Variants in RELCH observed in about 807,000 individuals in gnomAD.
RELCH encodes the protein RAB11-binding protein RELCH.
In RELCH, 41 loss-of-function variants were observed where a neutral mutation model predicts 150.3. The ratio of observed to expected loss-of-function variants is 0.27; its 90% CI spans 0.21 to 0.35. The LOEUF is 0.35. Ranked by LOEUF, RELCH falls within the 10% of genes least tolerant of loss-of-function variation. The pLI, the probability that RELCH is intolerant of heterozygous loss-of-function variation, is 1.00. For synonymous variants in RELCH, 478 were observed against 531.8 expected (o/e 0.90, Z 1.39); for missense variants, 1,092 against 1,467.8 (o/e 0.74, Z 4.18).
rs542705453 is a variant in RELCH at position 62,245,767 on chromosome 18, T to C, written c.1733+891T>C. On this transcript the variant is annotated intron_variant, in intron 11 of 28. Coordinates refer to ENST00000644646, the MANE Select transcript of RELCH (RefSeq NM_001346231.2). Reference sequence around the variant, plus strand: ...TAAATGTTCTCTGAAAATTGCAAGATAGTTACTTTTGTCTGAAAAAAATCT... The same window carrying C: ...TAAATGTTCTCTGAAAATTGCAAGACAGTTACTTTTGTCTGAAAAAAATCT... 3.3e-5 allele frequency: 5 copies of C among 152,330 alleles called. No homozygotes were observed. The South Asian group carries it at 1.0e-3, about 32-fold the overall frequency. The allele number at this position is 152,330 out of a possible 1,614,324, so 9.4% of individuals were successfully genotyped here.
chr18:62,250,521 C>T (rs1414182928), intron 11 of RELCH, among the ~76,000 whole-genome samples: 1 of 152,132 alleles, frequency 6.6e-6, no homozygotes, highest in Non-Finnish European at 1.5e-5. Context: ...CTTTCATTCA[C>T]TTTATTTGCC....
intron 1 of RELCH, among the ~76,000 whole-genome samples, chr18:62,191,007 A>G (rs143697582): frequency 2.7e-4 from 41 of 152,320 alleles, no homozygotes; most frequent in Admixed American, 2.2e-3. Context: ...TGCCTTCAGC[A>G]TGTTTTTAAA....
At chr18:62,293,974 G>A (rs1042820873) in intron 27 of RELCH, among the ~76,000 whole-genome samples, 5 of 151,954 alleles carry the variant, frequency 3.3e-5, no homozygotes, top group Admixed American at 6.6e-5. Flanking sequence ...GGAATCTCCT[G>A]TATGTATTCT....
chr18:62,196,699 C>A (rs982348229), intron 1 of RELCH, among the ~76,000 whole-genome samples: 1 of 152,118 alleles, frequency 6.6e-6, no homozygotes, highest in Non-Finnish European at 1.5e-5. Flanking sequence ...TAGATATAAT[C>A]CCTGCTTAGC....
intron 2 of RELCH, among the ~76,000 whole-genome samples, chr18:62,215,067 T>C (rs1001292964): frequency 6.6e-6 from 1 of 152,162 alleles, no homozygotes; most frequent in Non-Finnish European, 1.5e-5. Context: ...TTTCAATCTT[T>C]ACATGGACAG....
rs115518364 is a variant in RELCH at position 62,294,589 on chromosome 18, T to C, written c.3459+2958T>C. Among the ~76,000 whole-genome samples, 525 of 152,324 alleles carry C rather than the reference T, an allele frequency of 3.4e-3. 3 individuals are homozygous for C. Among genetic ancestry groups the C allele is most frequent in the African/African-American group, 0.012 (498 of 41,580 alleles). On this transcript the variant is annotated intron_variant, in intron 27 of 28. Coordinates refer to ENST00000644646, the MANE Select transcript of RELCH (RefSeq NM_001346231.2). ...ATATCTGGAATATACCAATACTTAGTCAATTTTATGTTTTATGAATATCTG... is the reference window on the plus strand; with the variant it reads ...ATATCTGGAATATACCAATACTTAGCCAATTTTATGTTTTATGAATATCTG...
At chr18:62,231,995 G>C (rs993008755) in intron 9 of RELCH, among the ~76,000 whole-genome samples, 3 of 151,992 alleles carry the variant, frequency 2.0e-5, no homozygotes, top group Non-Finnish European at 4.4e-5. Flanking sequence ...TCTCTTCAAA[G>C]ACAAAAACGA....
intron 1 of RELCH, among the ~76,000 whole-genome samples, chr18:62,206,436 A>G (rs993376719): frequency 2.0e-5 from 3 of 152,254 alleles, no homozygotes; most frequent in Non-Finnish European, 4.4e-5. Context: ...ACATAGCCCT[A>G]TTTGAAGAGT....
intron 1 of RELCH, among the ~76,000 whole-genome samples, chr18:62,189,694 G>A (rs1228418986): frequency 6.6e-6 from 1 of 152,078 alleles, no homozygotes; most frequent in East Asian, 1.9e-4. Flanking sequence ...GGCTATCATA[G>A]CATTGTTTCT....
intron 12 of RELCH, among the ~76,000 whole-genome samples, chr18:62,254,301 G>A (rs1454027973): frequency 6.6e-6 from 1 of 152,018 alleles, no homozygotes; most frequent in African/African-American, 2.4e-5. Flanking sequence ...TTTCCGAGTA[G>A]TGTACGTTTT....
chr18:62,276,759 C>G (rs879447389), intron 22 of RELCH, among the ~76,000 whole-genome samples: 6 of 151,968 alleles, frequency 3.9e-5, no homozygotes, highest in Non-Finnish European at 7.4e-5. Context: ...GAAAATTCTC[C>G]ATCCATGTTA....
chr18:62,233,958 T>A (rs1437560223), intron 10 of RELCH, among the ~76,000 whole-genome samples: 1 of 152,004 alleles, frequency 6.6e-6, no homozygotes, highest in Non-Finnish European at 1.5e-5. Context: ...ATTTGTGGTA[T>A]GATGTTTACT....
intron 1 of RELCH, among the ~76,000 whole-genome samples, chr18:62,198,563 A>G (rs1484531510): frequency 2.0e-5 from 3 of 152,180 alleles, no homozygotes; most frequent in Non-Finnish European, 4.4e-5. Flanking sequence ...TGTTACTTCA[A>G]ACCACCTATC....
At chr18:62,248,352 C>T (rs776014945) in intron 11 of RELCH, among the ~76,000 whole-genome samples, 3 of 152,148 alleles carry the variant, frequency 2.0e-5, no homozygotes, top group Non-Finnish European at 2.9e-5. Context: ...CTCCAGTAAA[C>T]TCCCTCAACA....
At chr18:62,263,886 A>C (rs970127276) in intron 16 of RELCH, 103 bp from the exon 17 acceptor site, 11 of 753,952 alleles carry the variant, frequency 1.5e-5, no homozygotes, top group African/African-American at 1.3e-4. Context: ...ATAAGAAAGT[A>C]ATTAAATATG....
intron 23 of RELCH, 138 bp from the exon 24 acceptor site, chr18:62,280,508 C>CT: frequency 1.3e-6 from 2 of 1,484,862 alleles, no homozygotes; most frequent in Admixed American, 1.7e-5. Context: ...TCTTGGTCTG[C>CT]TTTTTTTAAA....
intron 11 of RELCH, 51 bp from the exon 12 acceptor site, chr18:62,252,613 T>A: frequency 7.5e-7 from 1 of 1,341,942 alleles, no homozygotes; most frequent in Non-Finnish European, 1.1e-6. Flanking sequence ...CCCTTAGTCC[T>A]AGTTGTGCTT....
chr18:62,252,219 T>A (rs2042749650), intron 11 of RELCH, among the ~76,000 whole-genome samples: 1 of 150,950 alleles, frequency 6.6e-6, no homozygotes, highest in African/African-American at 2.4e-5. Context: ...CAGGGCGGTC[T>A]CTATCTCCTG....
At chr18:62,292,194 A>G (rs941962447) in intron 27 of RELCH, among the ~76,000 whole-genome samples, 1 of 152,110 alleles carries the variant, frequency 6.6e-6, no homozygotes, top group Non-Finnish European at 1.5e-5. Flanking sequence ...CTCAACTTTT[A>G]CAGTGTCTAT....
Sources: allele counts gnomAD v4.1 joint callset (sites outside exome capture counted in the v4.1 genomes callset), GRCh38; gene constraint gnomAD v4.1.1; transcripts MANE v1.5; gene names NCBI Gene and HGNC (gene_info 2026-07-23, HGNC 2026-07-21).